The following KATNAL1 variants were observed in gnomAD, a reference collection of about 807,000 sequenced individuals.
The protein encoded by KATNAL1 is katanin p60 ATPase-containing subunit A-like 1.
Under a neutral mutation model 55.2 loss-of-function variants are expected in KATNAL1, and 32 were observed. The ratio of observed to expected loss-of-function variants is 0.58; its 90% CI spans 0.44 to 0.78. The LOEUF (loss-of-function observed/expected upper bound fraction) is 0.78. Ranked by LOEUF, KATNAL1 falls within the 30% of genes least tolerant of loss-of-function variation. The pLI, the probability that KATNAL1 is intolerant of heterozygous loss-of-function variation, is 0.00. For synonymous variants in KATNAL1, 193 were observed against 193.6 expected (o/e 1.00, Z 0.02); for missense variants, 466 against 600.9 (o/e 0.78, Z 2.35).
chr13:30,231,301 T>C lies in KATNAL1; in HGVS notation c.885+13A>G. 2 of 1,597,918 alleles carry C rather than the reference T, an allele frequency of 1.3e-6. No homozygotes were observed. The highest frequency in any genetic ancestry group is 1.7e-6 in the Non-Finnish European group (2 of 1,171,650). On this transcript the variant is annotated intron_variant, in intron 7 of 10. Transcript: ENST00000380615. ...CACACACTACTTTGAAATCTGAATATATCGTCACTCACCATCTCAAACAAC... is the reference window on the plus strand; with the variant it reads ...CACACACTACTTTGAAATCTGAATACATCGTCACTCACCATCTCAAACAAC...
intron 9 of KATNAL1, 33 bp from the exon 10 acceptor site, chr13:30,210,475 T>A: frequency 6.4e-7 from 1 of 1,570,446 alleles, no homozygotes; most frequent in African/African-American, 1.4e-5. Context: ...TTGTTAGATG[T>A]TTTACTTTAC....
intron 2 of KATNAL1, 72 bp downstream of exon 2, chr13:30,283,544 T>C (rs1295207240): frequency 7.3e-7 from 1 of 1,374,124 alleles, no homozygotes; most frequent in Non-Finnish European, 9.8e-7. Context: ...AATTAGATTT[T>C]CCAACTCTAA....
intron 3 of KATNAL1, among the ~76,000 whole-genome samples, chr13:30,274,264 T>G (rs995363548): frequency 5.9e-5 from 9 of 152,212 alleles, no homozygotes; most frequent in African/African-American, 2.2e-4. Flanking sequence ...TTATTCTCTA[T>G]CAGTACTTGA....
chr13:30,223,321 G>A lies in KATNAL1; in HGVS notation c.1147+4091C>T, dbSNP rs1364378579. ...GCCGGGAATGGTGGCAGGCGCCTGT[G>A]GTCCCAGCTACTCGGGAGGCTGAGG... On this transcript the variant is annotated intron_variant, in intron 9 of 10. Transcript: ENST00000380615. 6.5e-5 allele frequency among the ~76,000 whole-genome samples: 9 copies of A among 138,724 alleles called. No individual in the cohort carries two copies. In the South Asian group the frequency reaches 9.4e-4, roughly 15 times the overall value. The allele number at this position is 138,724 out of a possible 152,430, so 91.0% of individuals were successfully genotyped here.
intron 3 of KATNAL1, among the ~76,000 whole-genome samples, chr13:30,274,019 C>T (rs1002025807): frequency 2.0e-5 from 3 of 152,130 alleles, no homozygotes; most frequent in Admixed American, 1.3e-4. Flanking sequence ...TGCATCCCAC[C>T]GTATGTGGGA....
chr13:30,216,672 C>G (rs1426577628), intron 9 of KATNAL1, among the ~76,000 whole-genome samples: 1 of 152,152 alleles, frequency 6.6e-6, no homozygotes, highest in Non-Finnish European at 1.5e-5. Flanking sequence ...TCCAGTCAGG[C>G]TGGTGGCAGG....
chr13:30,274,903 G>GCACACACA (rs1232536025), intron 3 of KATNAL1, among the ~76,000 whole-genome samples: 2 of 93,700 alleles, frequency 2.1e-5, no homozygotes, highest in East Asian at 2.8e-4. Context: ...GCGCGCGCGC[G>GCACACACA]CGCGCACACA....
At chr13:30,228,725 C>A (rs1182513727) in intron 8 of KATNAL1, among the ~76,000 whole-genome samples, 1 of 152,058 alleles carries the variant, frequency 6.6e-6, no homozygotes, top group South Asian at 2.1e-4. Context: ...TGTTTTGAAA[C>A]AACACAACTT....
chr13:30,227,646 TAAAG>T (rs1875642994), intron 8 of KATNAL1, 100 bp from the exon 9 acceptor site: 11 of 1,318,584 alleles, frequency 8.3e-6, no homozygotes, highest in Non-Finnish European at 1.0e-5. Context: ...GAATCAACGA[TAAAG>T]AAAGTGCAGT....
chr13:30,227,290 T>C, intron 9 of KATNAL1, 122 bp downstream of exon 9: 1 of 887,796 alleles, frequency 1.1e-6, no homozygotes, highest in South Asian at 2.1e-5. Flanking sequence ...TCACATCTAC[T>C]ACAAATTAAT....
intron 1 of KATNAL1, chr13:30,296,427 G>A (rs1305521492): frequency 1.1e-6 from 1 of 878,704 alleles, no homozygotes; most frequent in Non-Finnish European, 1.9e-6. Flanking sequence ...CGGAAGGAGG[G>A]AGGCTTGGGC....
chr13:30,250,949 T>A (rs948028537), intron 4 of KATNAL1, among the ~76,000 whole-genome samples: 20 of 152,024 alleles, frequency 1.3e-4, no homozygotes, highest in African/African-American at 4.3e-4. Flanking sequence ...CCATCCTGGA[T>A]AACACGGTGA....
At position 30,203,898 on chromosome 13, in the gene KATNAL1, T is replaced by C. The variant is rs1224496221; in HGVS notation, c.*4642A>G. The C allele has an allele frequency of 2.9e-5, 4 of 139,022 alleles. No individual in the cohort carries two copies. Among genetic ancestry groups the C allele is most frequent in the African/African-American group, 1.0e-4 (3 of 29,978 alleles). The allele number at this position is 139,022 out of a possible 1,614,324, so 8.6% of individuals were successfully genotyped here. On this transcript the variant is annotated 3_prime_UTR_variant, in exon 11 of 11. Coordinates refer to ENST00000380615, the MANE Select transcript of KATNAL1 (RefSeq NM_032116.5). ...ATTAAAAGCAAATGTCAAAAAAATTTAAGTATGAAAAGCCTAATTTAAAAG... is the reference window on the plus strand; with the variant it reads ...ATTAAAAGCAAATGTCAAAAAAATTCAAGTATGAAAAGCCTAATTTAAAAG...
intron 3 of KATNAL1, among the ~76,000 whole-genome samples, chr13:30,269,492 C>G (rs1352008545): frequency 6.6e-6 from 1 of 151,924 alleles, no homozygotes; most frequent in South Asian, 2.1e-4. Flanking sequence ...CCGGCCGCCA[C>G]CCCGTCTAGG....
At chr13:30,251,991 A>G (rs1396910641) in intron 4 of KATNAL1, among the ~76,000 whole-genome samples, 1 of 152,232 alleles carries the variant, frequency 6.6e-6, no homozygotes, top group East Asian at 1.9e-4. Flanking sequence ...TTAAAAAAGA[A>G]AAAGAAAAAA....
chr13:30,251,763 G>A (rs1002338119), intron 4 of KATNAL1, among the ~76,000 whole-genome samples: 3 of 152,152 alleles, frequency 2.0e-5, no homozygotes, highest in Non-Finnish European at 4.4e-5. Context: ...TTTCATTAAC[G>A]TTTGTATTTC....
At chr13:30,307,220 C>T (rs1007378605) in intron 1 of KATNAL1, 111 bp downstream of exon 1, 3 of 152,398 alleles carry the variant, frequency 2.0e-5, no homozygotes, top group Admixed American at 1.3e-4. Flanking sequence ...CGAGGAACCC[C>T]GCAGCCCACT....
intron 1 of KATNAL1, among the ~76,000 whole-genome samples, chr13:30,288,928 C>T (rs763850760): frequency 3.3e-5 from 5 of 152,204 alleles, no homozygotes; most frequent in Admixed American, 1.3e-4. Context: ...CTGCAAAATA[C>T]CTGCTAAGAA....
rs559166850 is a variant in KATNAL1, at chr13:30,212,525, C to T, written c.1148-2083G>A. 7.2e-5 allele frequency among the ~76,000 whole-genome samples: 11 copies of T among 152,302 alleles called. No homozygotes were observed. The South Asian group carries it at 1.9e-3, about 26-fold the overall frequency. On this transcript the variant is annotated intron_variant, in intron 9 of 10. Coordinates refer to ENST00000380615, the MANE Select transcript of KATNAL1 (RefSeq NM_032116.5). ...AGCCTGCCAGGCCCAGTGGTCAGAA[C>T]GCTGGGCTCAAGCAAAACTCCAGCA... is the stretch of plus-strand genomic sequence containing the variant.
Sources: allele counts gnomAD v4.1 joint callset (sites outside exome capture counted in the v4.1 genomes callset), GRCh38; gene constraint gnomAD v4.1.1; transcripts MANE v1.5; gene names NCBI Gene and HGNC (gene_info 2026-07-23, HGNC 2026-07-21).